The following GRIN2A variants were observed in gnomAD, a reference collection of about 807,000 sequenced individuals.
The protein encoded by GRIN2A is glutamate receptor ionotropic, NMDA 2A.
A neutral mutation model predicts 113.4 loss-of-function variants in GRIN2A; 22 were observed. The ratio of observed to expected loss-of-function variants is 0.19; its 90% CI spans 0.14 to 0.28. The LOEUF is 0.28. Ranked by LOEUF, GRIN2A falls within the 10% of genes least tolerant of loss-of-function variation. The pLI is 1.00. For missense variants in GRIN2A, 1,502 were observed against 1,887.0 expected (o/e 0.80, Z 3.78); for synonymous variants, 827 against 738.4 (o/e 1.12, Z -1.94).
chr16:9,789,853 C>T (rs1339072026), intron 11 of GRIN2A, among the ~76,000 whole-genome samples: 2 of 152,222 alleles, frequency 1.3e-5, no homozygotes, highest in Non-Finnish European at 2.9e-5. Flanking sequence ...TCACAAGCCC[C>T]TCCTTGGGGA....
At chr16:10,053,465 G>A (rs1421546674) in intron 2 of GRIN2A, among the ~76,000 whole-genome samples, 1 of 152,202 alleles carries the variant, frequency 6.6e-6, no homozygotes, top group Non-Finnish European at 1.5e-5. Flanking sequence ...CCTGAAATGT[G>A]TGCCTCTCTG....
At chr16:10,151,138 C>G (rs1312997624) in intron 2 of GRIN2A, among the ~76,000 whole-genome samples, 1 of 152,258 alleles carries the variant, frequency 6.6e-6, no homozygotes, top group African/African-American at 2.4e-5. Context: ...TCTTCCTGTC[C>G]GCCATCTTGA....
At chr16:10,040,588 AC>A (rs769389382) in intron 2 of GRIN2A, among the ~76,000 whole-genome samples, 1 of 151,776 alleles carries the variant, frequency 6.6e-6, no homozygotes, top group Non-Finnish European at 1.5e-5. Flanking sequence ...ACACACACAC[AC>A]AAAACACACA....
chr16:10,114,249 G>A (rs72776014), intron 2 of GRIN2A, among the ~76,000 whole-genome samples: 49,272 of 152,078 alleles, frequency 0.32, 8,158 homozygotes, highest in East Asian at 0.4. Context: ...AAACCACACA[G>A]TGAGACTGTG....
chr16:9,966,973 A>G (rs2045567176), intron 2 of GRIN2A, among the ~76,000 whole-genome samples: 1 of 152,210 alleles, frequency 6.6e-6, no homozygotes, highest in Non-Finnish European at 1.5e-5. Context: ...TCCACACTTC[A>G]GCCTTCAGCA....
At chr16:10,077,051 A>T (rs2047886530) in intron 2 of GRIN2A, among the ~76,000 whole-genome samples, 1 of 152,238 alleles carries the variant, frequency 6.6e-6, no homozygotes, top group African/African-American at 2.4e-5. Flanking sequence ...ATGTGACTTC[A>T]GAAGAAAGGC....
chr16:9,840,513 T>A, intron 7 of GRIN2A, 134 bp downstream of exon 7: 1 of 843,568 alleles, frequency 1.2e-6, no homozygotes, highest in Non-Finnish European at 2.0e-6. Context: ...ATAATTCAAA[T>A]GCAGCATCCT....
At chr16:10,106,778 CT>C (rs760289446) in intron 2 of GRIN2A, among the ~76,000 whole-genome samples, 18 of 152,122 alleles carry the variant, frequency 1.2e-4, no homozygotes, top group Non-Finnish European at 2.5e-4. Context: ...TCAAAATACT[CT>C]TATGAACAGA....
At chr16:10,080,513 C>T (rs1213295111) in intron 2 of GRIN2A, among the ~76,000 whole-genome samples, 4 of 152,118 alleles carry the variant, frequency 2.6e-5, no homozygotes, top group East Asian at 1.9e-4. Flanking sequence ...GAAGGGATTC[C>T]GAGCTTGGAT....
At chr16:9,888,375 CT>C (rs1182487731) in intron 4 of GRIN2A, among the ~76,000 whole-genome samples, 1 of 152,124 alleles carries the variant, frequency 6.6e-6, no homozygotes, top group Non-Finnish European at 1.5e-5. Context: ...CAAAAATATT[CT>C]CCTACATTTT....
At chr16:10,090,566 A>C (rs1169740739) in intron 2 of GRIN2A, among the ~76,000 whole-genome samples, 2 of 152,136 alleles carry the variant, frequency 1.3e-5, no homozygotes, top group African/African-American at 2.4e-5. Flanking sequence ...ATAACAACTA[A>C]AACTATAAGG....
intron 2 of GRIN2A, among the ~76,000 whole-genome samples, chr16:10,099,587 G>C (rs922887095): frequency 7.2e-4 from 110 of 152,200 alleles, no homozygotes; most frequent in African/African-American, 2.5e-3. Context: ...TCTGAGAGTA[G>C]GACGGGTCAG....
intron 4 of GRIN2A, among the ~76,000 whole-genome samples, chr16:9,866,681 G>T (rs905553849): frequency 2.0e-5 from 3 of 152,290 alleles, no homozygotes; most frequent in Middle Eastern, 3.4e-3. Context: ...TGTCCTATTT[G>T]CAAGTAATTG....
Position 9,761,106 on chromosome 16 carries a change from C to T in GRIN2A, c.*2043G>A, listed in dbSNP as rs1900562367. 1 of 232,910 alleles carries T rather than the reference C, an allele frequency of 4.3e-6. No individual in the cohort carries two copies. The highest frequency in any genetic ancestry group is 8.5e-6 in the Non-Finnish European group (1 of 117,748). The allele number at this position is 232,910 out of a possible 1,614,324, so 14.4% of individuals were successfully genotyped here. A position where few individuals can be genotyped will look rare whatever the true frequency, so the allele number is the denominator to read the frequency against. Reference sequence around the variant, plus strand: ...CAAAAATGAAAGGAAGCTCCTCTCACCCACTGCCTCCCTCTGTCTCCCTAT... The same window carrying T: ...CAAAAATGAAAGGAAGCTCCTCTCATCCACTGCCTCCCTCTGTCTCCCTAT... On this transcript the variant is annotated 3_prime_UTR_variant, in exon 13 of 13. Coordinates refer to ENST00000330684, the MANE Select transcript of GRIN2A (RefSeq NM_001134407.3).
chr16:10,173,553 A>G (rs1454134066), intron 2 of GRIN2A, among the ~76,000 whole-genome samples: 3 of 152,240 alleles, frequency 2.0e-5, no homozygotes, highest in Non-Finnish European at 4.4e-5. Flanking sequence ...ATATTGTGAT[A>G]TGTTCATCCG....
At chr16:9,885,616 C>T (rs2043572238) in intron 4 of GRIN2A, among the ~76,000 whole-genome samples, 1 of 152,212 alleles carries the variant, frequency 6.6e-6, no homozygotes, top group African/African-American at 2.4e-5. Flanking sequence ...AGTGACGCCA[C>T]TGGCTGACCT....
At chr16:9,769,157 G>A in intron 11 of GRIN2A, 68 bp from the exon 12 acceptor site, 1 of 1,220,374 alleles carries the variant, frequency 8.2e-7, no homozygotes, top group South Asian at 1.2e-5. Flanking sequence ...ACGCTTCTGG[G>A]TTTGGAACAG....
chr16:10,023,910 C>A (rs140845407), intron 2 of GRIN2A, among the ~76,000 whole-genome samples: 1 of 152,200 alleles, frequency 6.6e-6, no homozygotes, highest in Admixed American at 6.5e-5. Flanking sequence ...TAAGCATAAA[C>A]CTTAGGCCAG....
intron 2 of GRIN2A, among the ~76,000 whole-genome samples, chr16:10,152,213 T>C (rs1320355837): frequency 6.6e-6 from 1 of 152,150 alleles, no homozygotes; most frequent in Non-Finnish European, 1.5e-5. Flanking sequence ...TAGTGCCATT[T>C]CCATTTGCTC....
Sources: gnomAD v4.1 joint callset for allele counts (sites outside exome capture counted in the v4.1 genomes callset) on GRCh38, gnomAD v4.1.1 for gene constraint, MANE v1.5 for transcripts, NCBI Gene and HGNC (gene_info 2026-07-23, HGNC 2026-07-21) for gene names.